Variants in HUNK observed in about 807,000 individuals in gnomAD.
The protein encoded by HUNK is hormonally up-regulated neu tumor-associated kinase.
HUNK carries 21 observed loss-of-function variants against 61.0 expected under a neutral mutation model. The observed-to-expected ratio is 0.34, with a 90% CI of 0.24 to 0.50. HUNK has a LOEUF of 0.50. Among genes scored for constraint, HUNK ranks in the 20% least tolerant of loss-of-function variants. HUNK has a pLI of 0.98. For missense variants in HUNK, 772 were observed against 945.7 expected (o/e 0.82, Z 2.41); for synonymous variants, 371 against 386.1 (o/e 0.96, Z 0.46).
Position 31,990,040 on chromosome 21 carries a change from A to G in HUNK, c.1258-89A>G, listed in dbSNP as rs1034706516. On this transcript the variant is annotated intron_variant, in intron 8 of 10. Coordinates refer to ENST00000270112, the MANE Select transcript of HUNK (RefSeq NM_014586.2). ...TGAAAACCGAAACGAATAATTCTCA[A>G]CCAGAGCTGCAGGGCCGTAGGGGAA... is the stretch of plus-strand genomic sequence containing the variant. 14 of 1,194,770 alleles carry G rather than the reference A, an allele frequency of 1.2e-5. No individual in the cohort carries two copies. The African/African-American group carries it at 1.7e-4, about 14-fold the overall frequency. The allele number at this position is 1,194,770 out of a possible 1,614,324, so 74.0% of individuals were successfully genotyped here.
intron 6 of HUNK, among the ~76,000 whole-genome samples, chr21:31,972,905 G>A (rs144684523): frequency 3.9e-5 from 6 of 152,220 alleles, no homozygotes; most frequent in Non-Finnish European, 7.4e-5. Flanking sequence ...AGGAGACCTC[G>A]TTCTGCTCTC....
chr21:31,958,865 T>C lies in HUNK; in HGVS notation c.769T>C (p.Leu257=). The C allele has an allele frequency of 6.2e-7, 1 of 1,607,784 alleles. No homozygotes were observed. The highest frequency in any genetic ancestry group is 2.2e-5 in the East Asian group (1 of 44,762). The change falls in exon 5 of 11, where the codon TTG becomes CTG. Residue 257 remains leucine, a synonymous_variant. Transcript: ENST00000270112. ...CAGAGGTGTGAACATGTATGCCATG[T>C]TGACCGGGACGCTGCCTTTCACGGT... ...WSIGVNMYAM[L]TGTLPFTVEP... is the part of the protein sequence containing the mutation.
At chr21:31,930,827 T>A (rs1051333079) in intron 2 of HUNK, among the ~76,000 whole-genome samples, 3 of 152,192 alleles carry the variant, frequency 2.0e-5, no homozygotes, top group Non-Finnish European at 4.4e-5. Flanking sequence ...AATGTGTTTA[T>A]TTTTTAGGTC....
chr21:31,976,419 G>A (rs1242253492), intron 7 of HUNK, among the ~76,000 whole-genome samples: 1 of 130,448 alleles, frequency 7.7e-6, no homozygotes, highest in African/African-American at 3.0e-5. Context: ...ACTTGAAGCT[G>A]TTTCTCTCTC....
chr21:31,946,112 CGCT>C lies in HUNK; in HGVS notation c.690_692del (p.Ala231del). The C allele has an allele frequency of 6.2e-7, 1 of 1,613,594 alleles. No individual in the cohort carries two copies. ...GCACACAGTGTGGCAGCCCTGCCTA[CGCT>C]GCACCTGAACTGCTCGCCAGGAAGA... On this transcript the variant is annotated inframe_deletion, in exon 4 of 11. Transcript: ENST00000270112.
At chr21:31,966,688 A>T (rs1226906524) in intron 5 of HUNK, among the ~76,000 whole-genome samples, 1 of 152,210 alleles carries the variant, frequency 6.6e-6, no homozygotes, top group Non-Finnish European at 1.5e-5. Flanking sequence ...TCAAATGACA[A>T]CTTAAAGCTT....
In HUNK at chr21:31,873,561, G is replaced by C. The variant is rs1350109634; in HGVS notation, c.-114G>C. ...CCGGGCTCTGGGTGCGGAGACCCAG[G>C]CGGGGCTGGGCCCAGGGCGGCGGCG... On this transcript the variant is annotated 5_prime_UTR_variant, in exon 1 of 11. Transcript: ENST00000270112. This position sits in a 1 kb window ranked among gnomAD's most constrained non-coding sequence, Gnocchi z 6.1. 2 of 847,312 alleles carry C rather than the reference G, an allele frequency of 2.4e-6. No homozygotes were observed. The highest frequency in any genetic ancestry group is 3.7e-5 in the African/African-American group (2 of 54,514). The allele number at this position is 847,312 out of a possible 1,614,324, so 52.5% of individuals were successfully genotyped here. A position where few individuals can be genotyped will look rare whatever the true frequency, so the allele number is the denominator to read the frequency against.
At position 31,955,851 on chromosome 21, in the gene HUNK, T is replaced by G. The variant is rs2833578; in HGVS notation, c.747-2992T>G. On this transcript the variant is annotated intron_variant, in intron 4 of 10. Coordinates refer to ENST00000270112, the MANE Select transcript of HUNK (RefSeq NM_014586.2). ...AAATGATATTGTATAAGTAGCAGGC[T>G]CTTCAGCTTTAGGTGTGAATGTTAG... Among the ~76,000 whole-genome samples the G allele has an allele frequency of 5.9e-3, 895 of 152,386 alleles. 11 individuals carry two copies. Among genetic ancestry groups the G allele is most frequent in the African/African-American group, 0.02 (847 of 41,588 alleles).
At chr21:31,964,967 G>A (rs1480017828) in intron 5 of HUNK, among the ~76,000 whole-genome samples, 2 of 152,132 alleles carry the variant, frequency 1.3e-5, no homozygotes, top group African/African-American at 2.4e-5. Context: ...CAACAGCAAT[G>A]TCTCAGAAAA....
chr21:31,887,581 T>C (rs2052355659), intron 1 of HUNK, among the ~76,000 whole-genome samples: 1 of 152,152 alleles, frequency 6.6e-6, no homozygotes, highest in Non-Finnish European at 1.5e-5. Flanking sequence ...TTTTGGTAAG[T>C]CGTCAGGCCA....
chr21:31,997,009 C>T (rs1030001042), intron 10 of HUNK, among the ~76,000 whole-genome samples: 4 of 152,210 alleles, frequency 2.6e-5, no homozygotes, highest in Admixed American at 2.0e-4. Context: ...CAGGTGCCTG[C>T]GCCGGCCTTT....
At chr21:31,960,875 GTATAACTGTGGTATAA>G (rs1236823115) in intron 5 of HUNK, among the ~76,000 whole-genome samples, 5 of 152,174 alleles carry the variant, frequency 3.3e-5, no homozygotes, top group African/African-American at 1.2e-4. Flanking sequence ...GTAATATATT[GTATAACTGTGGTATAA>G]TATCACCACT....
chr21:31,900,470 C>CACACACAG (rs1362077815), intron 1 of HUNK, among the ~76,000 whole-genome samples: 4 of 151,976 alleles, frequency 2.6e-5, no homozygotes, highest in African/African-American at 9.7e-5. Flanking sequence ...CACACACACA[C>CACACACAG]ACACACACAA....
intron 1 of HUNK, among the ~76,000 whole-genome samples, chr21:31,917,015 C>T (rs190339827): frequency 1.3e-5 from 2 of 152,058 alleles, no homozygotes; most frequent in Admixed American, 1.3e-4. Context: ...TCTTGTATTT[C>T]GTTATCTCTG....
At position 31,980,381 on chromosome 21, in the gene HUNK, T is replaced by TC. The variant is rs1247802470; in HGVS notation, c.1174-3145_1174-3144insC. Among the ~76,000 whole-genome samples, 111 of 133,200 alleles carry TC rather than the reference T, an allele frequency of 8.3e-4. 1 individual carries two copies. The highest frequency in any genetic ancestry group is 2.8e-3 in the African/African-American group (102 of 36,428). 87.4% of individuals were successfully genotyped at this position (133,200 alleles called of 152,430 possible). On this transcript the variant is annotated intron_variant, in intron 7 of 10. Transcript: ENST00000270112. ...CACCGCACCAGGCCTGTCTTCTTCT[T>TC]TTTTTTTTTTTTTTGAGATGGAGTC...
chr21:31,884,450 G>T (rs1480670407), intron 1 of HUNK, among the ~76,000 whole-genome samples: 2 of 152,058 alleles, frequency 1.3e-5, no homozygotes, highest in African/African-American at 4.8e-5. Flanking sequence ...AAATTAGCCA[G>T]GCGTGGTGGT....
Position 31,999,119 on chromosome 21 carries a change from C to T in HUNK, c.2080C>T (p.Leu694=). 1 of 1,614,216 alleles carries T rather than the reference C, an allele frequency of 6.2e-7. No homozygotes were observed. Among genetic ancestry groups the T allele is most frequent in the South Asian group, 1.1e-5 (1 of 91,088 alleles). Residue 694 remains leucine, a synonymous_variant, in exon 11 of 11, where the codon CTG becomes TTG. Coordinates refer to ENST00000270112, the MANE Select transcript of HUNK (RefSeq NM_014586.2). ...DRPLEASLPP[L]QPLAPVNLAF... ...GCCCCTGGAGGCCAGCCTGCCCCCA[C>T]TGCAGCCCCTAGCCCCTGTGAACCT...
intron 2 of HUNK, among the ~76,000 whole-genome samples, chr21:31,929,551 C>T (rs754159990): frequency 1.2e-4 from 18 of 152,156 alleles, no homozygotes; most frequent in African/African-American, 3.6e-4. Flanking sequence ...CCAAGAACGC[C>T]GATTCTGCTG....
At chr21:31,982,099 G>A (rs1179539388) in intron 7 of HUNK, among the ~76,000 whole-genome samples, 3 of 152,216 alleles carry the variant, frequency 2.0e-5, no homozygotes, top group East Asian at 1.9e-4. Context: ...TGGCTAGGAC[G>A]TGCAGTACTA....
Sources: allele counts gnomAD v4.1 joint callset (sites outside exome capture counted in the v4.1 genomes callset), GRCh38; gene constraint gnomAD v4.1.1; non-coding constraint Gnocchi (gnomAD v3.1); transcripts MANE v1.5; gene names NCBI Gene and HGNC (gene_info 2026-07-23, HGNC 2026-07-21).